GLCCI1: variants seen among roughly 807,000 people sequenced by gnomAD.
GLCCI1 encodes glucocorticoid induced 1, also known as glucocorticoid-induced transcript 1 protein.
GLCCI1 carries 24 observed loss-of-function variants against 52.2 expected under a neutral mutation model. The ratio of observed to expected loss-of-function variants is 0.46; its 90% CI spans 0.33 to 0.65. The LOEUF is 0.65. GLCCI1 is among the 30% of genes least tolerant of loss of function. GLCCI1 has a pLI of 0.02. For synonymous variants in GLCCI1, 310 were observed against 276.5 expected, an observed-to-expected ratio of 1.12 and a Z score of -1.20; for missense variants, 704 against 701.5, an observed-to-expected ratio of 1.00 and a Z score of -0.04.
rs116238797 is a variant in GLCCI1, at chr7:8,036,283, C to T, written c.696+13714C>T. On this transcript the variant is annotated intron_variant, in intron 3 of 7. Transcript: ENST00000223145. ...AACTAGTATTTGAGAAGCCATCACA[C>T]AAAGCATGTCTGAAACCAAGTAACT... Among the ~76,000 whole-genome samples, 604 of 152,278 alleles carry T rather than the reference C, an allele frequency of 4.0e-3. 4 individuals are homozygous for T. Among genetic ancestry groups the T allele is most frequent in the African/African-American group, 0.014 (567 of 41,544 alleles).
At chr7:8,063,670 G>T (rs1389938570) in intron 5 of GLCCI1, among the ~76,000 whole-genome samples, 1 of 143,040 alleles carries the variant, frequency 7.0e-6, no homozygotes, top group Non-Finnish European at 1.5e-5. Flanking sequence ...CCAGGCTGGA[G>T]TATAGCGGCA....
At chr7:8,070,621 T>G in intron 5 of GLCCI1, 1 of 213,326 alleles carries the variant, frequency 4.7e-6, no homozygotes, top group South Asian at 1.4e-4. Context: ...GTGCCAGGAG[T>G]AGTGCCAGGC....
chr7:8,000,971 A>G (rs1781039969), intron 1 of GLCCI1, among the ~76,000 whole-genome samples: 1 of 152,134 alleles, frequency 6.6e-6, no homozygotes, highest in Admixed American at 6.6e-5. Context: ...CAGCACACTA[A>G]TGGGTCTTGA....
intron 1 of GLCCI1, among the ~76,000 whole-genome samples, chr7:7,991,600 G>T (rs1354258313): frequency 6.6e-6 from 1 of 151,986 alleles, no homozygotes; most frequent in Non-Finnish European, 1.5e-5. Context: ...ATGTCCAGTA[G>T]TTGGTAAGGT....
chr7:8,026,155 G>A (rs775620942), intron 3 of GLCCI1, among the ~76,000 whole-genome samples: 2 of 152,096 alleles, frequency 1.3e-5, no homozygotes, highest in Admixed American at 1.3e-4. Flanking sequence ...ATAAATTATA[G>A]TTTCTATTTG....
At chr7:8,003,648 A>G (rs1781089647) in intron 1 of GLCCI1, among the ~76,000 whole-genome samples, 1 of 152,142 alleles carries the variant, frequency 6.6e-6, no homozygotes, top group African/African-American at 2.4e-5. Flanking sequence ...TGGCAATGAG[A>G]TGATATGCAG....
At position 7,980,631 on chromosome 7, in the gene GLCCI1, G is replaced by A. The variant is rs181054957; in HGVS notation, c.457+10824G>A. The A allele has an allele frequency of 2.5e-5, 20 of 801,136 alleles. No individual in the cohort carries two copies. In the Admixed American group the frequency reaches 3.2e-4, roughly 13 times the overall value. The allele number at this position is 801,136 out of a possible 1,614,324, so 49.6% of individuals were successfully genotyped here. On this transcript the variant is annotated intron_variant, in intron 1 of 7. Transcript: ENST00000223145. ...ATGGTGATCAAGCAAGCTTTTTTGA[G>A]ACAGAAAACGTCCCAAGAATTAAGC...
At chr7:8,045,729 T>C (rs1562440715) in intron 3 of GLCCI1, among the ~76,000 whole-genome samples, 2 of 152,186 alleles carry the variant, frequency 1.3e-5, no homozygotes, top group East Asian at 1.9e-4. Flanking sequence ...GCTCTACTTA[T>C]GAGGGACCAA....
intron 2 of GLCCI1, among the ~76,000 whole-genome samples, chr7:8,010,975 G>T (rs142443037): frequency 2.1e-4 from 32 of 151,642 alleles, no homozygotes; most frequent in Non-Finnish European, 3.7e-4. Context: ...ACATGCTAGG[G>T]AGGCATGGTA....
intron 3 of GLCCI1, among the ~76,000 whole-genome samples, chr7:8,035,757 G>A (rs111304183): frequency 0.021 from 3,147 of 152,310 alleles, 43 homozygotes; most frequent in Non-Finnish European, 0.033. Context: ...TGTCCCAAGT[G>A]CCTAACAGGG....
At chr7:7,983,123 A>G (rs770775433) in intron 1 of GLCCI1, among the ~76,000 whole-genome samples, 2 of 152,162 alleles carry the variant, frequency 1.3e-5, no homozygotes, top group African/African-American at 2.4e-5. Flanking sequence ...TGGTAAAGCA[A>G]ACAATGTTAA....
intron 1 of GLCCI1, among the ~76,000 whole-genome samples, chr7:7,984,410 T>C (rs1025492985): frequency 6.6e-6 from 1 of 152,206 alleles, no homozygotes; most frequent in African/African-American, 2.4e-5. Flanking sequence ...TTTGGTGGGC[T>C]CTTCAAGTTA....
chr7:7,993,546 T>A (rs1373881058), intron 1 of GLCCI1, among the ~76,000 whole-genome samples: 1 of 152,206 alleles, frequency 6.6e-6, no homozygotes, highest in Non-Finnish European at 1.5e-5. Flanking sequence ...CCCTCCCAGT[T>A]TGGCTACTAT....
chr7:8,085,964 T>C (rs1783097172), intron 7 of GLCCI1, among the ~76,000 whole-genome samples: 1 of 152,212 alleles, frequency 6.6e-6, no homozygotes, highest in South Asian at 2.1e-4. Context: ...ATATTTGCCT[T>C]CCTGGTTCTT....
chr7:7,976,823 C>T (rs1780482689), intron 1 of GLCCI1, among the ~76,000 whole-genome samples: 1 of 151,618 alleles, frequency 6.6e-6, no homozygotes, highest in African/African-American at 2.4e-5. Flanking sequence ...CCTGAGTGAT[C>T]CTCAAGGAGG....
intron 5 of GLCCI1, among the ~76,000 whole-genome samples, chr7:8,061,391 C>T (rs966111781): frequency 6.6e-5 from 10 of 152,060 alleles, no homozygotes; most frequent in African/African-American, 2.2e-4. Flanking sequence ...TGAGCCACTG[C>T]ACCCAGCCTT....
At chr7:8,001,802 A>G (rs1204205943) in intron 1 of GLCCI1, among the ~76,000 whole-genome samples, 2 of 152,226 alleles carry the variant, frequency 1.3e-5, no homozygotes, top group African/African-American at 4.8e-5. Context: ...TGACCTTTGC[A>G]AGGATGTGGA....
intron 1 of GLCCI1, among the ~76,000 whole-genome samples, chr7:7,988,036 G>A (rs1562417976): frequency 6.6e-6 from 1 of 152,118 alleles, no homozygotes; most frequent in Non-Finnish European, 1.5e-5. Context: ...TGGGAGTGAC[G>A]GACATAATGC....
chr7:7,988,587 G>A (rs747423359), intron 1 of GLCCI1, among the ~76,000 whole-genome samples: 7 of 151,938 alleles, frequency 4.6e-5, no homozygotes, highest in Admixed American at 2.0e-4. Flanking sequence ...GGGTAGATAC[G>A]ACTTTTGAAA....
Sources: allele counts gnomAD v4.1 joint callset (sites outside exome capture counted in the v4.1 genomes callset), GRCh38; gene constraint gnomAD v4.1.1; transcripts MANE v1.5; gene names NCBI Gene and HGNC (gene_info 2026-07-23, HGNC 2026-07-21).